Variants in MPRIP observed in about 807,000 individuals in gnomAD.
MPRIP encodes myosin phosphatase Rho-interacting protein.
A neutral mutation model predicts 234.9 loss-of-function variants in MPRIP; 59 were observed. The observed-to-expected ratio is 0.25, with a 90% CI of 0.20 to 0.31. The LOEUF is 0.31. MPRIP is among the 10% of genes least tolerant of loss of function. MPRIP has a pLI of 1.00. For missense variants in MPRIP, 2,436 were observed against 3,071.0 expected (o/e 0.79, Z 4.89); for synonymous variants, 1,144 against 1,263.9 (o/e 0.91, Z 2.01).
At chr17:17,084,073 C>T (rs1597777147) in intron 3 of MPRIP, among the ~76,000 whole-genome samples, 5 of 152,200 alleles carry the variant, frequency 3.3e-5, no homozygotes, top group Admixed American at 2.0e-4. Context: ...TCCTCTAGCT[C>T]GGAGCTTTCC....
chr17:17,174,210 G>C, intron 19 of MPRIP, 135 bp downstream of exon 19: 29 of 1,120,824 alleles, frequency 2.6e-5, no homozygotes, highest in Non-Finnish European at 3.5e-5. Context: ...CTGAACCACA[G>C]AGTGGTTACC....
intron 1 of MPRIP, among the ~76,000 whole-genome samples, chr17:17,045,861 A>G (rs1429964525): frequency 1.3e-5 from 2 of 148,292 alleles, no homozygotes; most frequent in East Asian, 4.0e-4. Context: ...GCTGGTGTGC[A>G]GTGGCGCGAT....
chr17:17,174,535 T>C (rs2144680281), intron 19 of MPRIP, among the ~76,000 whole-genome samples: 1 of 152,344 alleles, frequency 6.6e-6, no homozygotes, highest in East Asian at 1.9e-4. Context: ...AGATTTTTTT[T>C]CTTAAGATTT....
At position 17,185,714 on chromosome 17, in the gene MPRIP, G is replaced by A. The variant is rs1042168248; in HGVS notation, c.*820G>A. ...GCAAAAAACAAATGAATTCCCCCCA[G>A]GAATCATTCAAAATGGGGGAAGGTT... On this transcript the variant is annotated 3_prime_UTR_variant, in exon 24 of 24. Coordinates refer to ENST00000651222, the MANE Select transcript of MPRIP (RefSeq NM_001364716.4). 1 of 342,670 alleles carries A rather than the reference G, an allele frequency of 2.9e-6. No individual in the cohort carries two copies. 21.2% of individuals were successfully genotyped at this position (342,670 alleles called of 1,614,324 possible).
intron 14 of MPRIP, 115 bp downstream of exon 14, chr17:17,159,117 G>A (rs1382649337): frequency 2.4e-5 from 26 of 1,093,606 alleles, no homozygotes; most frequent in Non-Finnish European, 3.4e-5. Flanking sequence ...CGAGGGACTT[G>A]CAGACCCCTA....
rs1158469825 is a variant in MPRIP, at chr17:17,165,405, G to C, written c.3814G>C (p.Ala1272Pro). The change falls in exon 16 of 24, where the codon GCT (alanine) becomes CCT (proline). Residue 1272 changes from alanine (A) to proline (P), a missense_variant. By Grantham distance (27) the Ala-to-Pro change is conservative (BLOSUM62 -1). Transcript: ENST00000651222. The part of the protein sequence containing the change: ...RLEDEDEDLG[A>P]PPGEEYGDGS... ...CGAGGATGAGGACGAGGACCTGGGG[G>C]CTCCTCCGGGGGAAGAGTACGGTGA... The C allele has an allele frequency of 6.1e-6, 8 of 1,304,048 alleles. No homozygotes were observed. The highest frequency in any genetic ancestry group is 7.1e-6 in the Non-Finnish European group (7 of 988,962). 80.8% of individuals were successfully genotyped at this position (1,304,048 alleles called of 1,614,324 possible).
rs1311304664 is a variant in MPRIP, at chr17:17,164,143, A to G, written c.2552A>G (p.Gln851Arg). 12 of 1,304,148 alleles carry G rather than the reference A, an allele frequency of 9.2e-6. No individual in the cohort carries two copies. The East Asian group carries it at 5.5e-4, about 60-fold the overall frequency. 80.8% of individuals were successfully genotyped at this position (1,304,148 alleles called of 1,614,324 possible). A position where few individuals can be genotyped will look rare whatever the true frequency, so the allele number is the denominator to read the frequency against. ...GCCGCCTCCCCATCGGGTGCCTGGCAGAGGCTCCATAGAGTCAACCAAGAC... is the reference window on the plus strand; with the variant it reads ...GCCGCCTCCCCATCGGGTGCCTGGCGGAGGCTCCATAGAGTCAACCAAGAC... ...EVAASPSGAW[Q>R]RLHRVNQDLQ... The change falls in exon 16 of 24, where the codon CAG becomes CGG. Residue 851 changes from glutamine to arginine, a missense_variant. Gln to Arg is a conservative substitution (Grantham distance 43). Around this residue, in one of 4 missense-constraint regions of MPRIP, gnomAD observed 1,998 missense variants for 2,520.3 expected, o/e 0.79. Coordinates refer to ENST00000651222, the MANE Select transcript of MPRIP (RefSeq NM_001364716.4).
rs555020938 is a variant in MPRIP at position 17,082,252 on chromosome 17, C to G, written c.267+4176C>G. On this transcript the variant is annotated intron_variant, in intron 3 of 23. Coordinates refer to ENST00000651222, the MANE Select transcript of MPRIP (RefSeq NM_001364716.4). ...TTTGGGATTCTCAAGGGCCTGCTCT[C>G]CAAGGCAAAAAGCTGATCAAATGCT... Among the ~76,000 whole-genome samples the G allele has an allele frequency of 4.4e-4, 66 of 149,532 alleles. No homozygotes were observed. In the Middle Eastern group the frequency reaches 0.014, roughly 33 times the overall value.
intron 3 of MPRIP, among the ~76,000 whole-genome samples, chr17:17,099,693 G>A (rs534322473): frequency 4.6e-5 from 7 of 152,246 alleles, no homozygotes; most frequent in Non-Finnish European, 2.9e-5. Context: ...CACCACTGCA[G>A]TCTAGCCTGG....
At chr17:17,112,981 G>A (rs1597824747) in intron 3 of MPRIP, among the ~76,000 whole-genome samples, 1 of 152,240 alleles carries the variant, frequency 6.6e-6, no homozygotes, top group Non-Finnish European at 1.5e-5. Context: ...GGTCCTCCGA[G>A]CTCAGACAGC....
intron 1 of MPRIP, among the ~76,000 whole-genome samples, chr17:17,062,079 C>G (rs1012486413): frequency 3.9e-5 from 6 of 151,938 alleles, no homozygotes; most frequent in Admixed American, 3.9e-4. Flanking sequence ...GGCCACACAT[C>G]GAGTAGGTGG....
Position 17,138,311 on chromosome 17 carries a change from G to A in MPRIP, c.1132G>A (p.Ala378Thr), listed in dbSNP as rs1014785081. The stretch of plus-strand genomic sequence containing the variant: ...TGCCACCCTGGCCGACGTCCCTAAG[G>A]CCATCAGGATCAGCCACCGAGAAGC... ...QYATLADVPKAIRISHREAFQ... is the reference protein window; with the variant it reads ...QYATLADVPKTIRISHREAFQ... Residue 378 changes from alanine to threonine, a missense_variant, in exon 7 of 24, where the codon GCC becomes ACC. Physicochemically the swap from Ala to Thr is moderately conservative, Grantham distance 58. Coordinates refer to ENST00000651222, the MANE Select transcript of MPRIP (RefSeq NM_001364716.4). This position sits in a 1 kb window ranked among gnomAD's most constrained non-coding sequence, Gnocchi z 5.8. 1 of 405,338 alleles carries A rather than the reference G, an allele frequency of 2.5e-6. No homozygotes were observed. Among genetic ancestry groups the A allele is most frequent in the Non-Finnish European group, 4.4e-6 (1 of 228,380 alleles). 25.1% of individuals were successfully genotyped at this position (405,338 alleles called of 1,614,324 possible). A position where few individuals can be genotyped will look rare whatever the true frequency, so the allele number is the denominator to read the frequency against.
At chr17:17,069,423 T>C (rs1161959258) in intron 1 of MPRIP, among the ~76,000 whole-genome samples, 2 of 152,046 alleles carry the variant, frequency 1.3e-5, no homozygotes, top group Non-Finnish European at 2.9e-5. Context: ...ATTTAAAATA[T>C]TTACGGATAA....
At chr17:17,071,308 C>T (rs1457196728) in intron 1 of MPRIP, among the ~76,000 whole-genome samples, 1 of 151,260 alleles carries the variant, frequency 6.6e-6, no homozygotes, top group African/African-American at 2.5e-5. Context: ...TGGAAAGTAG[C>T]TTTTTGTTGT....
Position 17,158,545 on chromosome 17 carries a change from G to A in MPRIP, c.1943G>A (p.Arg648His), listed in dbSNP as rs1803957569. The change falls in exon 14 of 24, where the codon CGC becomes CAC. Residue 648 changes from arginine to histidine, a missense_variant. Physicochemically the swap from Arg to His is conservative, Grantham distance 29 (BLOSUM62 0). Around this residue, in one of 4 missense-constraint regions of MPRIP, gnomAD observed 1,998 missense variants for 2,520.3 expected, o/e 0.79. Transcript: ENST00000651222. ...GEPDPEQKRSRARERRREGRS... is the reference protein window; with the variant it reads ...GEPDPEQKRSHARERRREGRS... ...CCGGACCCTGAGCAGAAGAGGAGCC[G>A]CGCACGGGAGCGGAGGCGAGAGGGC... 6.2e-6 allele frequency: 10 copies of A among 1,611,650 alleles called. No homozygotes were observed. The highest frequency in any genetic ancestry group is 2.2e-5 in the South Asian group (2 of 90,962).
intron 12 of MPRIP, among the ~76,000 whole-genome samples, chr17:17,153,189 AG>A (rs2045641650): frequency 6.6e-6 from 1 of 152,056 alleles, no homozygotes; most frequent in South Asian, 2.1e-4. Flanking sequence ...GGGCATGTGG[AG>A]GGGCAGGTCA....
intron 3 of MPRIP, among the ~76,000 whole-genome samples, chr17:17,118,527 TC>T (rs2090328683): frequency 6.6e-6 from 1 of 152,192 alleles, no homozygotes; most frequent in African/African-American, 2.4e-5. Flanking sequence ...TAGGGGCTGT[TC>T]CATGCAGCTT....
chr17:17,059,619 C>T (rs867240621), intron 1 of MPRIP, among the ~76,000 whole-genome samples: 29 of 152,258 alleles, frequency 1.9e-4, no homozygotes, highest in African/African-American at 7.0e-4. Flanking sequence ...ACACTCCTCC[C>T]CTTTGCTCCC....
chr17:17,137,936 G>T lies in MPRIP; in HGVS notation c.757G>T (p.Asp253Tyr). The change falls in exon 7 of 24, where the codon GAC becomes TAC. Residue 253 changes from aspartate to tyrosine, a missense_variant. Around this residue, in one of 4 missense-constraint regions of MPRIP, gnomAD observed 267 missense variants for 252.7 expected, o/e 1.06. Coordinates refer to ENST00000651222, the MANE Select transcript of MPRIP (RefSeq NM_001364716.4). ...TCCAGAGGAGAGCGCCATGAGTAGC[G>T]ACCGCATGGACTGTGGCCGCAAAGT... ...SKEEESAMSS[D>Y]RMDCGRKVRV... 6.2e-7 allele frequency: 1 copy of T among 1,608,352 alleles called. No individual in the cohort carries two copies. The highest frequency in any genetic ancestry group is 2.3e-5 in the East Asian group (1 of 44,382).
Sources: allele counts gnomAD v4.1 joint callset (sites outside exome capture counted in the v4.1 genomes callset), GRCh38; gene constraint gnomAD v4.1.1; regional missense constraint gnomAD v4.1.1; non-coding constraint Gnocchi (gnomAD v3.1); transcripts MANE v1.5; gene names NCBI Gene and HGNC (gene_info 2026-07-23, HGNC 2026-07-21).